The following RAB40C variants were observed in gnomAD, a reference collection of about 807,000 sequenced individuals.
RAB40C encodes the protein RAB40C, member RAS oncogene family, also known as ras-related protein Rab-40C.
In RAB40C, 8 loss-of-function variants were observed where a neutral mutation model predicts 28.1. The observed-to-expected ratio is 0.28, with a 90% CI of 0.17 to 0.51. RAB40C has a LOEUF of 0.51. RAB40C is among the 20% of genes least tolerant of loss of function. The probability of loss-of-function intolerance (pLI) is 0.97; values close to 1 mark genes in which losing one functional copy is unlikely to be tolerated. For synonymous variants in RAB40C, 201 were observed against 171.7 expected (o/e 1.17, Z -1.34); for missense variants, 288 against 405.9 (o/e 0.71, Z 2.50).
At chr16:625,624 C>A in intron 4 of RAB40C, 115 bp downstream of exon 4, 1 of 1,121,910 alleles carries the variant, frequency 8.9e-7, no homozygotes, top group Non-Finnish European at 1.3e-6. Context: ...CGGCTCTGCA[C>A]CCTGCACTGT....
At chr16:622,078 G>C (rs933853941) in intron 3 of RAB40C, among the ~76,000 whole-genome samples, 5 of 152,172 alleles carry the variant, frequency 3.3e-5, no homozygotes, top group African/African-American at 7.2e-5. Flanking sequence ...GCATGTGTTT[G>C]TCAAAATTCA....
chr16:625,324 C>A (rs958573655), intron 3 of RAB40C, 108 bp from the exon 4 acceptor site: 15 of 1,506,108 alleles, frequency 1.0e-5, no homozygotes, highest in Admixed American at 1.9e-5. Flanking sequence ...AAGTAATAAG[C>A]ATCCTTGGCC....
chr16:607,171 C>G (rs537266973), intron 1 of RAB40C, among the ~76,000 whole-genome samples: 1 of 152,332 alleles, frequency 6.6e-6, no homozygotes, highest in Admixed American at 6.5e-5. Context: ...GCCACGTCCA[C>G]TCCCCAGACC....
At chr16:619,267 T>C (rs902185877) in intron 3 of RAB40C, among the ~76,000 whole-genome samples, 2 of 147,728 alleles carry the variant, frequency 1.4e-5, no homozygotes, top group African/African-American at 2.5e-5. Context: ...GCAGTGTGTG[T>C]GCAGGTGTGG....
At chr16:617,384 CT>C in intron 2 of RAB40C, 116 bp downstream of exon 2, 1 of 1,184,020 alleles carries the variant, frequency 8.4e-7, no homozygotes, top group Non-Finnish European at 1.3e-6. Flanking sequence ...GGAAGAGCCA[CT>C]TACACAGCCC....
At chr16:624,841 G>T in intron 3 of RAB40C, 1 of 985,478 alleles carries the variant, frequency 1.0e-6, no homozygotes, top group Non-Finnish European at 1.2e-6. Flanking sequence ...GACTGTCACT[G>T]CCGAGATATT....
At chr16:591,332 G>A (rs1165536635) in intron 1 of RAB40C, among the ~76,000 whole-genome samples, 4 of 152,040 alleles carry the variant, frequency 2.6e-5, no homozygotes, top group Non-Finnish European at 5.9e-5. Context: ...GATCATCTGG[G>A]GTCCGAGGGA....
intron 1 of RAB40C, among the ~76,000 whole-genome samples, chr16:591,563 A>ATTTGT (rs755045150): frequency 1.8e-4 from 27 of 150,956 alleles, no homozygotes; most frequent in African/African-American, 6.3e-4. Flanking sequence ...GTTACTGAAC[A>ATTTGT]TTTGTTTTGT....
At position 600,982 on chromosome 16, in the gene RAB40C, GCA is replaced by G. The variant is rs756062132; in HGVS notation, c.142+10551_142+10552del. ...CTGCTGTGGAGGAAGGGGCCCTCTGGCACCCCAGGAGCAGCCTGCCCCTCTGT... is the reference window on the plus strand; with the variant it reads ...CTGCTGTGGAGGAAGGGGCCCTCTGGCCCCAGGAGCAGCCTGCCCCTCTGT... On this transcript the variant is annotated intron_variant, in intron 1 of 5. Transcript: ENST00000248139. 4.1e-4 allele frequency among the ~76,000 whole-genome samples: 63 copies of G among 152,302 alleles called. 1 individual carries two copies. The highest frequency in any genetic ancestry group is 9.8e-4 in the Admixed American group (15 of 15,300).
At position 625,979 on chromosome 16, in the gene RAB40C, C is replaced by G; in HGVS notation, c.423C>G (p.Ala141=). The G allele has an allele frequency of 1.2e-6, 2 of 1,613,172 alleles. No individual in the cohort carries two copies. Among genetic ancestry groups the G allele is most frequent in the South Asian group, 1.1e-5 (1 of 91,086 alleles). ...AFKRQVPTEQ[A]RAYAEKNCMT... ...AGCGGCAGGTCCCGACGGAGCAGGCCCGCGCGTACGCAGAGAAGAACTGCA... is the reference window on the plus strand; with the variant it reads ...AGCGGCAGGTCCCGACGGAGCAGGCGCGCGCGTACGCAGAGAAGAACTGCA... Residue 141 remains alanine (A), a synonymous_variant, in exon 5 of 6, where the codon GCC becomes GCG. Coordinates refer to ENST00000248139, the MANE Select transcript of RAB40C (RefSeq NM_021168.5).
Position 620,710 on chromosome 16 carries a change from C to T in RAB40C, c.264+2450C>T, listed in dbSNP as rs1275084286. ...CAGCCCCCCCCGATGGGCTCCACCG[C>T]GGGCATCCCAGCCCCCCGCCGACGG... is the stretch of plus-strand genomic sequence containing the variant. On this transcript the variant is annotated intron_variant, in intron 3 of 5. Transcript: ENST00000248139. Among the ~76,000 whole-genome samples, 28 of 68,392 alleles carry T rather than the reference C, an allele frequency of 4.1e-4. 2 individuals carry two copies. The highest frequency in any genetic ancestry group is 1.8e-3 in the African/African-American group (27 of 14,974). The allele number at this position is 68,392 out of a possible 152,430, so 44.9% of individuals were successfully genotyped here. A position where few individuals can be genotyped will look rare whatever the true frequency, so the allele number is the denominator to read the frequency against.
In RAB40C at chr16:627,526, C is replaced by T. The variant is rs376126601; in HGVS notation, c.750C>T (p.Gly250=). 121 of 1,613,472 alleles carry T rather than the reference C, an allele frequency of 7.5e-5. No homozygotes were observed. Among genetic ancestry groups the T allele is most frequent in the Middle Eastern group, 1.6e-4 (1 of 6,084 alleles). The change falls in exon 6 of 6, where the codon GGC becomes GGT. Residue 250 remains glycine, a synonymous_variant. Coordinates refer to ENST00000248139, the MANE Select transcript of RAB40C (RefSeq NM_021168.5). ...SYSLASGAGG[G]GSKGNSLKRS... ...CCCTGGCCAGCGGGGCCGGGGGCGG[C>T]GGCAGCAAGGGCAACAGCCTCAAGA...
chr16:605,878 C>A (rs1355078491), intron 1 of RAB40C, among the ~76,000 whole-genome samples: 2 of 152,226 alleles, frequency 1.3e-5, no homozygotes, highest in Non-Finnish European at 2.9e-5. Context: ...CACACAGTTT[C>A]TGTCCCACAG....
At position 611,798 on chromosome 16, in the gene RAB40C, CA is replaced by C. The variant is rs60691303; in HGVS notation, c.143-5408del. On this transcript the variant is annotated intron_variant, in intron 1 of 5. Transcript: ENST00000248139. ...CCGCCCTGGCCTGTAGAATCAAGAG[CA>C]AGGGACAGCCGCCTTCGCCTGTAGA... Among the ~76,000 whole-genome samples the C allele has an allele frequency of 2.8e-3, 150 of 53,570 alleles. 6 individuals are homozygous for C. Among genetic ancestry groups the C allele is most frequent in the East Asian group, 0.012 (9 of 738 alleles). 35.1% of individuals were successfully genotyped at this position (53,570 alleles called of 152,430 possible).
intron 1 of RAB40C, among the ~76,000 whole-genome samples, chr16:593,596 T>C (rs924495455): frequency 1.3e-5 from 2 of 152,246 alleles, no homozygotes; most frequent in East Asian, 3.9e-4. Flanking sequence ...GGCATGTTCC[T>C]CAGACAGGTG....
At chr16:624,071 C>T in intron 3 of RAB40C, 4 of 985,500 alleles carry the variant, frequency 4.1e-6, no homozygotes, top group Non-Finnish European at 4.8e-6. Flanking sequence ...GTACATTTCA[C>T]TGCCGCTTAC....
chr16:611,352 T>A (rs2036480645), intron 1 of RAB40C, among the ~76,000 whole-genome samples: 1 of 152,204 alleles, frequency 6.6e-6, no homozygotes, highest in Admixed American at 6.5e-5. Context: ...TTGGCCACAT[T>A]GGCACGTCGA....
chr16:607,474 G>A (rs2036384043), intron 1 of RAB40C, among the ~76,000 whole-genome samples: 1 of 147,572 alleles, frequency 6.8e-6, no homozygotes, highest in Non-Finnish European at 1.5e-5. Context: ...CCACACTCCG[G>A]CCTGGACAAC....
intron 5 of RAB40C, among the ~76,000 whole-genome samples, 170 bp downstream of exon 5, chr16:626,291 C>T (rs372810506): frequency 7.2e-5 from 11 of 152,128 alleles, no homozygotes; most frequent in African/African-American, 2.2e-4. Context: ...AGAGCAGCCT[C>T]GGGGGAGAGG....
Sources: allele counts gnomAD v4.1 joint callset (sites outside exome capture counted in the v4.1 genomes callset), GRCh38; gene constraint gnomAD v4.1.1; transcripts MANE v1.5; gene names NCBI Gene and HGNC (gene_info 2026-07-23, HGNC 2026-07-21).